The following AFF2 variants were observed in gnomAD, a reference collection of about 807,000 sequenced individuals.
AFF2 encodes AF4/FMR2 family member 2.
Under a neutral mutation model 76.9 loss-of-function variants are expected in AFF2, and 14 were observed. The observed-to-expected ratio is 0.18, with a 90% CI of 0.12 to 0.28. The LOEUF (loss-of-function observed/expected upper bound fraction) is 0.28, where lower values mean the gene tolerates loss of function less well. Ranked by LOEUF, AFF2 falls within the 10% of genes least tolerant of loss-of-function variation. The pLI, the probability that AFF2 is intolerant of heterozygous loss-of-function variation, is 1.00. For synonymous variants in AFF2, 398 were observed against 366.7 expected, an observed-to-expected ratio of 1.09 and a Z score of -0.98; for missense variants, 868 against 1,001.1, an observed-to-expected ratio of 0.87 and a Z score of 1.79.
intron 3 of AFF2, among the ~76,000 whole-genome samples, chrX:148,684,524 A>G (rs1426000923): frequency 1.8e-5 from 2 of 112,523 alleles, no homozygotes; most frequent in Non-Finnish European, 3.8e-5. Context: ...GGAAGTATCC[A>G]TAAGTTAATG....
intron 1 of AFF2, among the ~76,000 whole-genome samples, chrX:148,548,579 C>T (rs1371570539): frequency 9.0e-6 from 1 of 111,650 alleles, no homozygotes; most frequent in Non-Finnish European, 1.9e-5. Context: ...GAATTACAGG[C>T]ATGTGCCACC....
At chrX:148,903,170 T>G (rs2071372248) in intron 8 of AFF2, among the ~76,000 whole-genome samples, 1 of 111,799 alleles carries the variant, frequency 8.9e-6, no homozygotes, top group Non-Finnish European at 1.9e-5. Flanking sequence ...CCTGAGGTTG[T>G]CAAATAGCTG....
intron 3 of AFF2, among the ~76,000 whole-genome samples, chrX:148,808,373 A>G (rs1227080057): frequency 8.9e-6 from 1 of 112,450 alleles, no homozygotes; most frequent in Non-Finnish European, 1.9e-5. Flanking sequence ...TGTTGAATGA[A>G]TGAATGAATT....
intron 19 of AFF2, among the ~76,000 whole-genome samples, chrX:148,981,638 C>T (rs913452955): frequency 9.0e-6 from 1 of 111,710 alleles, no homozygotes; most frequent in East Asian, 2.8e-4. Context: ...CTTACCAGCC[C>T]AAGCCCACAC....
chrX:148,511,499 A>G (rs2074951176), intron 1 of AFF2, among the ~76,000 whole-genome samples: 1 of 112,624 alleles, frequency 8.9e-6, no homozygotes. Context: ...GGAGGATTCA[A>G]ATTACAATTT....
At chrX:148,549,685 C>G (rs782566408) in intron 1 of AFF2, among the ~76,000 whole-genome samples, 3 of 111,644 alleles carry the variant, frequency 2.7e-5, no homozygotes, top group Non-Finnish European at 5.6e-5. Context: ...ATGACAATCA[C>G]AGACTTCATT....
chrX:148,615,493 A>AT (rs781991839), intron 1 of AFF2, among the ~76,000 whole-genome samples: 54 of 111,756 alleles, frequency 4.8e-4, no homozygotes, highest in African/African-American at 1.7e-3. Flanking sequence ...ATAGTTTCTG[A>AT]TTTTCCCATC....
At chrX:148,544,500 A>G in intron 1 of AFF2, among the ~76,000 whole-genome samples, 1 of 112,250 alleles carries the variant, frequency 8.9e-6, no homozygotes, top group South Asian at 3.7e-4. Flanking sequence ...GAGTGTGCAC[A>G]CATGTGTCTC....
intron 9 of AFF2, among the ~76,000 whole-genome samples, chrX:148,904,916 T>C (rs1474882494): frequency 8.9e-6 from 1 of 112,162 alleles, no homozygotes; most frequent in Non-Finnish European, 1.9e-5. Flanking sequence ...TGTCATTTGG[T>C]TTGTAACATC....
chrX:148,656,006 A>G (rs2088622343), intron 2 of AFF2, among the ~76,000 whole-genome samples: 1 of 112,137 alleles, frequency 8.9e-6, no homozygotes, highest in Admixed American at 9.4e-5. Flanking sequence ...CACCTGTCCA[A>G]TAGCGCCAGT....
At chrX:148,950,365 T>C (rs2071951168) in intron 9 of AFF2, among the ~76,000 whole-genome samples, 1 of 112,034 alleles carries the variant, frequency 8.9e-6, no homozygotes, top group African/African-American at 3.2e-5. Context: ...GGAAAGGTGC[T>C]GGTGAGAGCA....
chrX:148,741,800 G>A (rs2055358913), intron 3 of AFF2, among the ~76,000 whole-genome samples: 1 of 111,325 alleles, frequency 9.0e-6, no homozygotes, highest in African/African-American at 3.3e-5. Context: ...GGGACCCAGC[G>A]AGCTCTCAGG....
intron 3 of AFF2, among the ~76,000 whole-genome samples, chrX:148,794,901 C>A (rs1339525055): frequency 9.0e-6 from 1 of 111,457 alleles, no homozygotes; most frequent in Non-Finnish European, 1.9e-5. Flanking sequence ...GATTGTTTAG[C>A]CAAAAACCCA....
intron 3 of AFF2, among the ~76,000 whole-genome samples, chrX:148,791,202 C>G (rs2069889563): frequency 8.9e-6 from 1 of 112,026 alleles, no homozygotes; most frequent in Non-Finnish European, 1.9e-5. Flanking sequence ...ATACCCCAAA[C>G]TGGGTAATTT....
At chrX:148,588,912 C>T (rs782687733) in intron 1 of AFF2, among the ~76,000 whole-genome samples, 2 of 111,578 alleles carry the variant, frequency 1.8e-5, no homozygotes, top group East Asian at 5.6e-4. Context: ...ACATGAGACA[C>T]TATATGTTAC....
chrX:148,670,412 T>C (rs912385226), intron 3 of AFF2, among the ~76,000 whole-genome samples: 153 of 111,968 alleles, frequency 1.4e-3, no homozygotes, highest in African/African-American at 4.8e-3. Flanking sequence ...GCAGTTCATA[T>C]GTGTGCATAT....
intron 3 of AFF2, among the ~76,000 whole-genome samples, chrX:148,794,398 T>C (rs1200977320): frequency 2.7e-5 from 3 of 111,605 alleles, no homozygotes; most frequent in African/African-American, 9.8e-5. Context: ...CCATAGGAAT[T>C]CCCTTCAGTT....
intron 3 of AFF2, among the ~76,000 whole-genome samples, chrX:148,761,571 T>C (rs2069444099): frequency 9.1e-6 from 1 of 109,961 alleles, no homozygotes; most frequent in Non-Finnish European, 1.9e-5. Context: ...CATGGCTGAT[T>C]AGCTCTTTAG....
chrX:148,657,760 T>C (rs1306220935), intron 2 of AFF2, among the ~76,000 whole-genome samples: 7 of 112,279 alleles, frequency 6.2e-5, no homozygotes, highest in African/African-American at 2.3e-4. Flanking sequence ...AGGAAGTAAA[T>C]AATTAGCCAA....
Sources: allele counts gnomAD v4.1 joint callset (sites outside exome capture counted in the v4.1 genomes callset), GRCh38; gene constraint gnomAD v4.1.1; transcripts MANE v1.5; gene names NCBI Gene and HGNC (gene_info 2026-07-23, HGNC 2026-07-21).